Variants in TBL1X observed in about 807,000 individuals in gnomAD.
TBL1X encodes transducin beta like 1 X-linked, also known as F-box-like/WD repeat-containing protein TBL1X.
Under a neutral mutation model 50.7 loss-of-function variants are expected in TBL1X, and 10 were observed. The ratio of observed to expected loss-of-function variants is 0.20; its 90% CI spans 0.12 to 0.33. The LOEUF (loss-of-function observed/expected upper bound fraction) is 0.33, where lower values mean the gene tolerates loss of function less well. Ranked by LOEUF, TBL1X falls within the 10% of genes least tolerant of loss-of-function variation. The pLI is 1.00. For synonymous variants in TBL1X, 190 were observed against 214.7 expected (o/e 0.88, Z 1.01); for missense variants, 340 against 504.4 (o/e 0.67, Z 3.12).
intron 2 of TBL1X, among the ~76,000 whole-genome samples, chrX:9,579,906 C>T (rs1013125103): frequency 3.6e-5 from 4 of 111,686 alleles, no homozygotes; most frequent in Non-Finnish European, 3.8e-5. Context: ...TCAGTGGGTT[C>T]ATAAGCCATG....
chrX:9,523,084 A>G (rs2082114129), intron 2 of TBL1X, among the ~76,000 whole-genome samples: 1 of 111,869 alleles, frequency 8.9e-6, no homozygotes. Flanking sequence ...TGTCTTTAGC[A>G]CTAAAAACAC....
At chrX:9,650,235 G>A (rs1426471421) in intron 3 of TBL1X, among the ~76,000 whole-genome samples, 1 of 112,986 alleles carries the variant, frequency 8.9e-6, no homozygotes, top group Admixed American at 9.3e-5. Flanking sequence ...GTTTTGCAAT[G>A]TGGGACATTT....
chrX:9,635,246 C>A (rs1233763956), intron 2 of TBL1X, among the ~76,000 whole-genome samples: 1 of 110,936 alleles, frequency 9.0e-6, no homozygotes, highest in African/African-American at 3.3e-5. Context: ...AGTTGGGACA[C>A]CCCAAAATAT....
At chrX:9,491,306 T>A (rs866421085) in intron 1 of TBL1X, among the ~76,000 whole-genome samples, 29 of 51,903 alleles carry the variant, frequency 5.6e-4, no homozygotes, top group Non-Finnish European at 7.5e-4. Flanking sequence ...GCCAGTATAT[T>A]TATATATATA....
At chrX:9,616,659 CTA>C (rs756660920) in intron 2 of TBL1X, among the ~76,000 whole-genome samples, 2 of 112,262 alleles carry the variant, frequency 1.8e-5, no homozygotes, top group Non-Finnish European at 3.8e-5. Flanking sequence ...AAAATTTGCA[CTA>C]TGTTTTCCTA....
intron 2 of TBL1X, among the ~76,000 whole-genome samples, chrX:9,538,070 CACCAATGTGCATCTGA>C (rs1244498583): frequency 8.9e-6 from 1 of 112,257 alleles, no homozygotes; most frequent in Non-Finnish European, 1.9e-5. Flanking sequence ...GACTCAACTG[CACCAATGTGCATCTGA>C]GATCAGGTCA....
chrX:9,612,098 A>G (rs1257342753), intron 2 of TBL1X, among the ~76,000 whole-genome samples: 3 of 113,061 alleles, frequency 2.7e-5, no homozygotes, highest in African/African-American at 9.6e-5. Flanking sequence ...ACTGTTAAGA[A>G]TAACTTCAAA....
In TBL1X at chrX:9,693,340, T is replaced by C. The variant is rs1221303678; in HGVS notation, c.974T>C (p.Leu325Ser). Residue 325 changes from leucine to serine, a missense_variant, in exon 11 of 18, where the codon TTA (leucine) becomes TCA (serine). Coordinates refer to ENST00000645353, the MANE Select transcript of TBL1X (RefSeq NM_005647.4). ...CTAACAGGTAACCTGGCCAGCACCT[T>C]AGGCCAACATAAAGGCCCCATCTTT... ...WTEDGNLAST[L>S]GQHKGPIFAL... 8.3e-7 allele frequency: 1 copy of C among 1,211,249 alleles called. No individual in the cohort carries two copies. The highest frequency in any genetic ancestry group is 1.8e-5 in the South Asian group (1 of 56,858).
At chrX:9,480,697 C>G (rs940733036) in intron 1 of TBL1X, among the ~76,000 whole-genome samples, 26 of 106,303 alleles carry the variant, frequency 2.4e-4, no homozygotes, top group African/African-American at 8.2e-4. Context: ...TTTGTAATAT[C>G]AAGGGTCTAA....
At chrX:9,645,682 C>T (rs900950283) in intron 3 of TBL1X, among the ~76,000 whole-genome samples, 6 of 111,771 alleles carry the variant, frequency 5.4e-5, no homozygotes, top group Non-Finnish European at 7.5e-5. Flanking sequence ...TTTTACTTTG[C>T]GGGGAATATT....
chrX:9,598,339 C>T (rs2082536459), intron 2 of TBL1X, among the ~76,000 whole-genome samples: 1 of 112,317 alleles, frequency 8.9e-6, no homozygotes, highest in South Asian at 3.7e-4. Flanking sequence ...CATGGCAACT[C>T]TTCAACTTAC....
At chrX:9,651,203 TTTG>T (rs2082833466) in intron 3 of TBL1X, among the ~76,000 whole-genome samples, 1 of 109,300 alleles carries the variant, frequency 9.1e-6, no homozygotes, top group African/African-American at 3.3e-5. Context: ...AGTTTTTTCG[TTTG>T]TTTGTTTTGT....
At chrX:9,473,612 G>A (rs2081831265) in intron 1 of TBL1X, among the ~76,000 whole-genome samples, 2 of 112,057 alleles carry the variant, frequency 1.8e-5, no homozygotes, top group Admixed American at 9.5e-5. Flanking sequence ...TGTTTTCAAC[G>A]TTGAGCTCTG....
intron 2 of TBL1X, among the ~76,000 whole-genome samples, chrX:9,585,325 G>GCC (rs1361615801): frequency 3.4e-4 from 27 of 78,629 alleles, no homozygotes; most frequent in African/African-American, 5.1e-4. Flanking sequence ...AGAGCTCCAT[G>GCC]CCACCCCCCT....
chrX:9,527,658 C>T (rs1370068545), intron 2 of TBL1X, among the ~76,000 whole-genome samples: 2 of 111,296 alleles, frequency 1.8e-5, no homozygotes, highest in African/African-American at 6.6e-5. Flanking sequence ...TTTTTAAACC[C>T]TGTAGTCTCT....
At chrX:9,712,054 G>A (rs189452973) in intron 16 of TBL1X, among the ~76,000 whole-genome samples, 2 of 111,069 alleles carry the variant, frequency 1.8e-5, no homozygotes, top group South Asian at 3.8e-4. Context: ...CTTGGCACAC[G>A]TTCTTCCTTG....
intron 15 of TBL1X, among the ~76,000 whole-genome samples, chrX:9,710,242 GAAGA>G (rs748956271): frequency 0.035 from 2,823 of 79,908 alleles, 46 homozygotes; most frequent in Non-Finnish European, 0.05. Flanking sequence ...AAAAACAGAA[GAAGA>G]AAAAAAACCA....
intron 9 of TBL1X, among the ~76,000 whole-genome samples, chrX:9,692,695 A>G (rs2083106011): frequency 8.9e-6 from 1 of 112,956 alleles, no homozygotes; most frequent in African/African-American, 3.2e-5. Context: ...GGCGTGAGCC[A>G]CTGCCCCCGG....
At chrX:9,558,926 T>C (rs962624411) in intron 2 of TBL1X, among the ~76,000 whole-genome samples, 3 of 111,956 alleles carry the variant, frequency 2.7e-5, no homozygotes, top group African/African-American at 9.7e-5. Flanking sequence ...ATAATGAGGG[T>C]TATTTTAAGA....
Sources: allele counts gnomAD v4.1 joint callset (sites outside exome capture counted in the v4.1 genomes callset), GRCh38; gene constraint gnomAD v4.1.1; transcripts MANE v1.5; gene names NCBI Gene and HGNC (gene_info 2026-07-23, HGNC 2026-07-21).